The following ZNF407 variants were observed in gnomAD, a reference collection of about 807,000 sequenced individuals.
The protein encoded by ZNF407 is zinc finger protein 407.
ZNF407 carries 17 observed loss-of-function variants against 131.2 expected under a neutral mutation model. The ratio of observed to expected loss-of-function variants is 0.13; its 90% CI spans 0.09 to 0.19. The LOEUF (loss-of-function observed/expected upper bound fraction) is 0.19, where lower values mean the gene tolerates loss of function less well. Among genes scored for constraint, ZNF407 ranks in the 10% least tolerant of loss-of-function variants. The pLI, the probability that ZNF407 is intolerant of heterozygous loss-of-function variation, is 1.00. For synonymous variants in ZNF407, 1,156 were observed against 1,062.0 expected, an observed-to-expected ratio of 1.09 and a Z score of -1.72; for missense variants, 2,681 against 2,830.6, an observed-to-expected ratio of 0.95 and a Z score of 1.20.
At chr18:74,679,842 T>C (rs1966939242) in intron 3 of ZNF407, among the ~76,000 whole-genome samples, 1 of 152,226 alleles carries the variant, frequency 6.6e-6, no homozygotes, top group Admixed American at 6.5e-5. Context: ...TTTTATAGAT[T>C]GTATGTTTCA....
intron 4 of ZNF407, among the ~76,000 whole-genome samples, chr18:74,810,561 C>T (rs1970179137): frequency 6.6e-6 from 1 of 152,136 alleles, no homozygotes; most frequent in African/African-American, 2.4e-5. Context: ...TCAGATCAGG[C>T]ATGATAACAC....
rs1219962288 is a variant in ZNF407 at position 74,916,676 on chromosome 18, G to A, written c.5250-3838G>A. 4.5e-5 allele frequency among the ~76,000 whole-genome samples: 6 copies of A among 132,672 alleles called. No homozygotes were observed. The East Asian group carries it at 1.2e-3, about 27-fold the overall frequency. 87.0% of individuals were successfully genotyped at this position (132,672 alleles called of 152,430 possible). A position where few individuals can be genotyped will look rare whatever the true frequency, so the allele number is the denominator to read the frequency against. ...TGCATGTGTGTGCTGGTATGGTGAG[G>A]TTGTATGCAGCATTCGTTCGAATCG... is the stretch of plus-strand genomic sequence containing the variant. On this transcript the variant is annotated intron_variant, in intron 7 of 8. Transcript: ENST00000299687.
chr18:74,656,783 A>G (rs1457358796), intron 3 of ZNF407, among the ~76,000 whole-genome samples: 1 of 152,220 alleles, frequency 6.6e-6, no homozygotes, highest in Non-Finnish European at 1.5e-5. Context: ...TAATGTATAG[A>G]TTATTTACCA....
In ZNF407 at chr18:75,063,287, C is replaced by A. The variant is rs1426377703; in HGVS notation, c.5566C>A (p.Pro1856Thr). ...KEKPLRSSRR[P>T]APPPEQVQQV... ...GAAGCCCCTCAGAAGCAGCAGGAGG[C>A]CAGCGCCGCCCCCTGAGCAGGTGCA... Residue 1856 changes from proline (P) to threonine (T), a missense_variant, in exon 9 of 9, where the codon CCA (proline) becomes ACA (threonine). Pro to Thr is a conservative substitution (Grantham distance 38, BLOSUM62 -1). This residue lies in a region of ZNF407 where 620 missense variants were observed against 583.1 expected (regional missense o/e 1.06). Transcript: ENST00000299687. The surrounding 1 kb of genome is among the most constrained non-coding windows in gnomAD (Gnocchi z 6.6). 1 of 1,613,700 alleles carries A rather than the reference C, an allele frequency of 6.2e-7. No homozygotes were observed.
At chr18:74,947,891 C>G (rs535988096) in intron 8 of ZNF407, among the ~76,000 whole-genome samples, 9 of 152,214 alleles carry the variant, frequency 5.9e-5, no homozygotes, top group Non-Finnish European at 1.3e-4. Context: ...CCTCTCAGCT[C>G]CCTCTCCTTT....
intron 6 of ZNF407, among the ~76,000 whole-genome samples, chr18:74,885,961 GA>G (rs1285014727): frequency 4.6e-5 from 7 of 152,050 alleles, no homozygotes; most frequent in African/African-American, 1.4e-4. Flanking sequence ...AAAATAACCG[GA>G]AAAATTATGT....
intron 8 of ZNF407, among the ~76,000 whole-genome samples, chr18:74,977,096 G>T (rs1194913275): frequency 6.6e-6 from 1 of 152,222 alleles, no homozygotes; most frequent in African/African-American, 2.4e-5. Context: ...CCATGTTTAT[G>T]TGTTTTTAAT....
At chr18:75,013,873 C>T (rs957457335) in intron 8 of ZNF407, among the ~76,000 whole-genome samples, 4 of 152,078 alleles carry the variant, frequency 2.6e-5, no homozygotes, top group African/African-American at 9.7e-5. Context: ...TAAATGACAG[C>T]CAGAACATCT....
intron 4 of ZNF407, among the ~76,000 whole-genome samples, chr18:74,871,017 C>G (rs1391200684): frequency 6.6e-6 from 1 of 152,160 alleles, no homozygotes; most frequent in African/African-American, 2.4e-5. Flanking sequence ...CTTTAAGTAT[C>G]TCACAATTAT....
chr18:74,986,641 A>T (rs966913640), intron 8 of ZNF407, among the ~76,000 whole-genome samples: 1 of 152,192 alleles, frequency 6.6e-6, no homozygotes, highest in Middle Eastern at 3.4e-3. Flanking sequence ...AACATCTCCA[A>T]TTTTTTCCCT....
intron 3 of ZNF407, among the ~76,000 whole-genome samples, chr18:74,734,709 G>GTTTT (rs869120395): frequency 8.6e-6 from 1 of 115,976 alleles, no homozygotes; most frequent in Non-Finnish European, 1.7e-5. Context: ...GTGTGTGTGT[G>GTTTT]TTTTTGAGAG....
intron 3 of ZNF407, among the ~76,000 whole-genome samples, chr18:74,730,499 G>A (rs1048221789): frequency 6.6e-5 from 10 of 152,092 alleles, no homozygotes; most frequent in Admixed American, 5.9e-4. Context: ...GCTACTGCCC[G>A]TCACAAATGC....
intron 7 of ZNF407, chr18:74,898,514 G>A (rs899623626): frequency 3.3e-5 from 5 of 152,092 alleles, no homozygotes; most frequent in East Asian, 1.9e-4. Context: ...ATTCAATAAC[G>A]CAGTGTGTAA....
intron 8 of ZNF407, among the ~76,000 whole-genome samples, chr18:74,973,617 C>T (rs1040034951): frequency 1.7e-4 from 26 of 152,110 alleles, no homozygotes; most frequent in African/African-American, 5.8e-4. Context: ...AACAAACATG[C>T]GATATGTTTG....
rs576443946 is a variant in ZNF407 at position 74,798,392 on chromosome 18, A to G, written c.4877+16890A>G. 4.6e-5 allele frequency among the ~76,000 whole-genome samples: 7 copies of G among 152,168 alleles called. No individual in the cohort carries two copies. In the South Asian group the frequency reaches 1.4e-3, roughly 31 times the overall value. ...GTGAAAAAAAGGAAGGCAAGGAAGA[A>G]TATATTTAATATAATTTAAGTAGGA... is the stretch of plus-strand genomic sequence containing the variant. On this transcript the variant is annotated intron_variant, in intron 4 of 8. Transcript: ENST00000299687.
chr18:74,938,489 C>G (rs1057193652), intron 8 of ZNF407, among the ~76,000 whole-genome samples: 1 of 152,134 alleles, frequency 6.6e-6, no homozygotes, highest in East Asian at 1.9e-4. Flanking sequence ...CCTTTTAGAT[C>G]GTCTTAATTT....
At chr18:74,808,467 G>T (rs1308335462) in intron 4 of ZNF407, among the ~76,000 whole-genome samples, 3 of 152,146 alleles carry the variant, frequency 2.0e-5, no homozygotes, top group Non-Finnish European at 2.9e-5. Flanking sequence ...ATGTATAATG[G>T]TATTGGAATT....
chr18:74,926,541 C>A (rs778053282), intron 8 of ZNF407, among the ~76,000 whole-genome samples: 1 of 152,188 alleles, frequency 6.6e-6, no homozygotes, highest in African/African-American at 2.4e-5. Flanking sequence ...TGGTGGCTCA[C>A]GCCTGTAATC....
At chr18:74,718,211 C>G (rs1001307449) in intron 3 of ZNF407, among the ~76,000 whole-genome samples, 1 of 151,416 alleles carries the variant, frequency 6.6e-6, no homozygotes, top group Non-Finnish European at 1.5e-5. Flanking sequence ...TGCAGCCCCC[C>G]CCCTCCCCTT....
Sources: allele counts gnomAD v4.1 joint callset (sites outside exome capture counted in the v4.1 genomes callset), GRCh38; gene constraint gnomAD v4.1.1; regional missense constraint gnomAD v4.1.1; non-coding constraint Gnocchi (gnomAD v3.1); transcripts MANE v1.5; gene names NCBI Gene and HGNC (gene_info 2026-07-23, HGNC 2026-07-21).